KANSL1: variants seen among roughly 807,000 people sequenced by gnomAD.
KANSL1 encodes the protein MLL1/MLL complex subunit KANSL1.
Under a neutral mutation model 103.6 loss-of-function variants are expected in KANSL1, and 22 were observed. That is an observed-to-expected ratio of 0.21 (90% confidence interval 0.15 to 0.30). KANSL1 has a LOEUF of 0.30. Ranked by LOEUF, KANSL1 falls within the 10% of genes least tolerant of loss-of-function variation. The probability of loss-of-function intolerance (pLI) is 1.00; values close to 1 mark genes in which losing one functional copy is unlikely to be tolerated. For synonymous variants in KANSL1, 600 were observed against 527.6 expected, an observed-to-expected ratio of 1.14 and a Z score of -1.88; for missense variants, 1,337 against 1,399.8, an observed-to-expected ratio of 0.96 and a Z score of 0.72.
intron 1 of KANSL1, among the ~76,000 whole-genome samples, chr17:46,192,226 C>T (rs1365231290): frequency 6.6e-6 from 1 of 151,984 alleles, no homozygotes; most frequent in East Asian, 1.9e-4. Context: ...ATCAAAAGAC[C>T]GTCAGCCGGA....
At chr17:46,104,283 T>A (rs190176385) in intron 2 of KANSL1, among the ~76,000 whole-genome samples, 27 of 152,344 alleles carry the variant, frequency 1.8e-4, no homozygotes, top group Non-Finnish European at 3.1e-4. Context: ...AGAAATGTAA[T>A]TGTTTGTCAT....
chr17:46,158,525 G>A (rs1451649233), intron 2 of KANSL1, among the ~76,000 whole-genome samples: 1 of 151,978 alleles, frequency 6.6e-6, no homozygotes, highest in Non-Finnish European at 1.5e-5. Flanking sequence ...ACCATGCCCA[G>A]CCAATTTTTG....
intron 6 of KANSL1, among the ~76,000 whole-genome samples, chr17:46,062,835 A>G (rs1000876776): frequency 6.6e-6 from 1 of 151,798 alleles, no homozygotes; most frequent in African/African-American, 2.4e-5. Flanking sequence ...GGATCACTTG[A>G]GGTCAGGAGT....
intron 1 of KANSL1, among the ~76,000 whole-genome samples, chr17:46,209,417 T>C (rs1262630706): frequency 6.6e-6 from 1 of 152,222 alleles, no homozygotes; most frequent in Non-Finnish European, 1.5e-5. Context: ...AAATGCATCA[T>C]TAAATATACT....
At chr17:46,174,269 C>G (rs948256213) in intron 1 of KANSL1, among the ~76,000 whole-genome samples, 2 of 152,304 alleles carry the variant, frequency 1.3e-5, no homozygotes, top group Middle Eastern at 3.4e-3. Flanking sequence ...ACTGTAACCT[C>G]TGCCTCCTGG....
chr17:46,154,576 C>T (rs2045312096), intron 2 of KANSL1, among the ~76,000 whole-genome samples: 1 of 152,156 alleles, frequency 6.6e-6, no homozygotes, highest in African/African-American at 2.4e-5. Flanking sequence ...GCCACCGTGC[C>T]CGGGCTCTCA....
chr17:46,115,265 G>C lies in KANSL1; in HGVS notation c.1290-20564C>G, dbSNP rs147004192. Among the ~76,000 whole-genome samples, 556 of 152,210 alleles carry C rather than the reference G, an allele frequency of 3.7e-3. 10 individuals are homozygous for C. The highest frequency in any genetic ancestry group is 0.031 in the Admixed American group (469 of 15,286). On this transcript the variant is annotated intron_variant, in intron 2 of 14. Coordinates refer to ENST00000432791, the MANE Select transcript of KANSL1 (RefSeq NM_015443.4). ...AGTAGAGATGGGATTTTGCCATGTT[G>C]GCCAGGCTGGTCTCACACTGCTGAC...
intron 1 of KANSL1, among the ~76,000 whole-genome samples, chr17:46,219,017 T>C (rs1291903408): frequency 6.6e-6 from 1 of 151,912 alleles, no homozygotes; most frequent in Non-Finnish European, 1.5e-5. Flanking sequence ...TCCCAGCACT[T>C]TGGGAGGCCG....
At chr17:46,211,227 CAAAA>C (rs574672233) in intron 1 of KANSL1, among the ~76,000 whole-genome samples, 1 of 102,516 alleles carries the variant, frequency 9.8e-6, no homozygotes, top group Non-Finnish European at 1.9e-5. Flanking sequence ...ATGTTCTATG[CAAAA>C]AAAAAAAAAA....
At chr17:46,084,636 T>C (rs1286314026) in intron 3 of KANSL1, among the ~76,000 whole-genome samples, 2 of 143,780 alleles carry the variant, frequency 1.4e-5, no homozygotes, top group African/African-American at 5.2e-5. Context: ...GAGCCAAGAC[T>C]GTGCCATTGC....
At chr17:46,149,012 T>C (rs1021389835) in intron 2 of KANSL1, among the ~76,000 whole-genome samples, 1 of 110,550 alleles carries the variant, frequency 9.0e-6, no homozygotes, top group Non-Finnish European at 2.4e-5. Flanking sequence ...TTCTTTTTTT[T>C]TTTTTTTTGA....
At chr17:46,094,863 T>C (rs892911033) in intron 2 of KANSL1, among the ~76,000 whole-genome samples, 162 bp from the exon 3 acceptor site, 2 of 152,214 alleles carry the variant, frequency 1.3e-5, no homozygotes, top group African/African-American at 4.8e-5. Context: ...CTCATCAGGA[T>C]GCACATGGAT....
chr17:46,084,453 A>G (rs2079089346), intron 3 of KANSL1, among the ~76,000 whole-genome samples: 1 of 151,942 alleles, frequency 6.6e-6, no homozygotes, highest in South Asian at 2.1e-4. Context: ...TAATCCTAGC[A>G]CTTGGGGAGG....
intron 2 of KANSL1, among the ~76,000 whole-genome samples, chr17:46,154,016 T>C (rs1419112726): frequency 6.6e-6 from 1 of 152,236 alleles, no homozygotes; most frequent in Non-Finnish European, 1.5e-5. Flanking sequence ...CTAAATCAGA[T>C]GCAGCATTTT....
At chr17:46,123,702 G>A (rs977078560) in intron 2 of KANSL1, among the ~76,000 whole-genome samples, 1 of 152,232 alleles carries the variant, frequency 6.6e-6, no homozygotes, top group African/African-American at 2.4e-5. Flanking sequence ...TGAGAGAGGT[G>A]AGGAAGCTGC....
chr17:46,093,484 AAT>A (rs57118865), intron 3 of KANSL1: 21,629 of 149,640 alleles, frequency 0.14, 2,087 homozygotes, highest in Non-Finnish European at 0.22. Flanking sequence ...GGGGAGGGGG[AAT>A]ATATATATAT....
chr17:46,196,149 G>T, upstream of KANSL1: 1 of 360,982 alleles, frequency 2.8e-6, no homozygotes, highest in South Asian at 2.1e-5. Context: ...AAGCTGAGGG[G>T]ATTGCTTGAG....
intron 3 of KANSL1, among the ~76,000 whole-genome samples, chr17:46,090,839 G>A (rs1211855786): frequency 1.3e-5 from 2 of 152,182 alleles, no homozygotes; most frequent in Non-Finnish European, 2.9e-5. Flanking sequence ...GAAACCTACA[G>A]TGCTGCTATT....
chr17:46,158,864 A>C (rs915119416), intron 2 of KANSL1, among the ~76,000 whole-genome samples: 5 of 152,202 alleles, frequency 3.3e-5, no homozygotes, highest in Admixed American at 6.5e-5. Context: ...CTGAAGCATA[A>C]CACTCCAGCA....
Sources: gnomAD v4.1 joint callset for allele counts (sites outside exome capture counted in the v4.1 genomes callset) on GRCh38, gnomAD v4.1.1 for gene constraint, MANE v1.5 for transcripts, NCBI Gene and HGNC (gene_info 2026-07-23, HGNC 2026-07-21) for gene names.